Variants in RALYL observed in about 807,000 individuals in gnomAD.
RALYL encodes the protein RNA-binding Raly-like protein.
A neutral mutation model predicts 35.1 loss-of-function variants in RALYL; 29 were observed. The ratio of observed to expected loss-of-function variants is 0.83; its 90% CI spans 0.61 to 1.13. The LOEUF is 1.13. Among genes scored for constraint, RALYL ranks in the 50% most tolerant of loss-of-function variants. The pLI is 0.00. For synonymous variants in RALYL, 120 were observed against 127.6 expected (o/e 0.94, Z 0.40); for missense variants, 359 against 360.4 (o/e 1.00, Z 0.03).
chr8:84,835,849 A>ATT (rs1417703642), intron 4 of RALYL, among the ~76,000 whole-genome samples: 1 of 147,370 alleles, frequency 6.8e-6, no homozygotes, highest in African/African-American at 2.5e-5. Flanking sequence ...GAGCAAGGAG[A>ATT]TTTTTTTTTT....
chr8:84,599,095 C>T (rs1470549614), intron 2 of RALYL, among the ~76,000 whole-genome samples: 1 of 151,792 alleles, frequency 6.6e-6, no homozygotes, highest in African/African-American at 2.4e-5. Context: ...CACTGTAAAA[C>T]ATATAACCTT....
At chr8:84,578,535 A>G (rs184004425) in intron 2 of RALYL, among the ~76,000 whole-genome samples, 172 of 152,330 alleles carry the variant, frequency 1.1e-3, no homozygotes, top group Middle Eastern at 3.4e-3. Flanking sequence ...AGAAAGGTGG[A>G]GAGGAGCTTT....
intron 2 of RALYL, among the ~76,000 whole-genome samples, chr8:84,694,311 A>T (rs1286882622): frequency 6.6e-6 from 1 of 151,956 alleles, no homozygotes; most frequent in Non-Finnish European, 1.5e-5. Context: ...GATCAGTAGC[A>T]TTCACTAACA....
intron 2 of RALYL, among the ~76,000 whole-genome samples, chr8:84,544,420 A>G (rs1396463843): frequency 6.6e-6 from 1 of 151,930 alleles, no homozygotes; most frequent in African/African-American, 2.4e-5. Context: ...ACTTTTATCC[A>G]TGTCAGATTT....
intron 2 of RALYL, among the ~76,000 whole-genome samples, chr8:84,606,614 T>C (rs1206635957): frequency 1.3e-5 from 2 of 152,144 alleles, no homozygotes; most frequent in African/African-American, 4.8e-5. Flanking sequence ...TCTAAAGAAG[T>C]GGAGGGTCTT....
intron 2 of RALYL, among the ~76,000 whole-genome samples, chr8:84,597,753 TA>T (rs1814922179): frequency 6.6e-6 from 1 of 152,172 alleles, no homozygotes; most frequent in Non-Finnish European, 1.5e-5. Flanking sequence ...TCAGTGTCCA[TA>T]AATAAAGGTT....
chr8:84,489,674 T>C (rs547828648), intron 1 of RALYL, among the ~76,000 whole-genome samples: 6 of 152,138 alleles, frequency 3.9e-5, no homozygotes, highest in African/African-American at 1.4e-4. Context: ...AAATTGTAGA[T>C]AGCAATAAGA....
At chr8:84,803,330 C>T (rs1823807324) in intron 3 of RALYL, among the ~76,000 whole-genome samples, 2 of 152,212 alleles carry the variant, frequency 1.3e-5, no homozygotes, top group Admixed American at 1.3e-4. Flanking sequence ...CCCCTCATTT[C>T]TTCAAGGCAA....
chr8:84,549,357 T>C, intron 2 of RALYL, among the ~76,000 whole-genome samples: 1 of 152,122 alleles, frequency 6.6e-6, no homozygotes, highest in East Asian at 1.9e-4. Context: ...ATTTTCCCCA[T>C]GGATTGGTGT....
chr8:84,407,093 T>C (rs1432834118), intron 1 of RALYL, among the ~76,000 whole-genome samples: 2 of 151,428 alleles, frequency 1.3e-5, no homozygotes, highest in African/African-American at 4.9e-5. Flanking sequence ...CACAAGAATA[T>C]ATTCTGTGTG....
At chr8:84,448,580 C>T (rs1359336421) in intron 1 of RALYL, among the ~76,000 whole-genome samples, 7 of 151,994 alleles carry the variant, frequency 4.6e-5, no homozygotes, top group South Asian at 2.1e-4. Flanking sequence ...CACTGCTACA[C>T]GCTTTTTCTT....
intron 2 of RALYL, among the ~76,000 whole-genome samples, chr8:84,650,855 A>T (rs1457889467): frequency 2.6e-5 from 4 of 152,148 alleles, no homozygotes; most frequent in South Asian, 2.1e-4. Flanking sequence ...GGATTAAGAA[A>T]ATGTGGCACA....
At chr8:84,449,671 T>A (rs1336062493) in intron 1 of RALYL, among the ~76,000 whole-genome samples, 1 of 152,000 alleles carries the variant, frequency 6.6e-6, no homozygotes, top group African/African-American at 2.4e-5. Context: ...AGAATGGATG[T>A]TTAGTAAATC....
At chr8:84,483,518 G>A (rs1203934393) in intron 1 of RALYL, among the ~76,000 whole-genome samples, 2 of 152,034 alleles carry the variant, frequency 1.3e-5, no homozygotes, top group African/African-American at 4.8e-5. Flanking sequence ...ATAGTCCTCT[G>A]TTCTTTATTT....
At chr8:84,344,452 T>C (rs1849434481) in intron 1 of RALYL, among the ~76,000 whole-genome samples, 1 of 151,996 alleles carries the variant, frequency 6.6e-6, no homozygotes, top group African/African-American at 2.4e-5. Flanking sequence ...AGGTGTAGGA[T>C]GATTGCATTA....
At chr8:84,769,166 G>C (rs1227989251) in intron 2 of RALYL, among the ~76,000 whole-genome samples, 2 of 152,148 alleles carry the variant, frequency 1.3e-5, no homozygotes, top group African/African-American at 4.8e-5. Flanking sequence ...TAAAAAACTT[G>C]TAGAAATCTG....
intron 2 of RALYL, among the ~76,000 whole-genome samples, chr8:84,691,003 G>C (rs1837924636): frequency 6.6e-6 from 1 of 152,028 alleles, no homozygotes; most frequent in African/African-American, 2.4e-5. Flanking sequence ...ATCTTTGTAA[G>C]ACTGATTTTT....
At chr8:84,415,461 A>T (rs570271948) in intron 1 of RALYL, among the ~76,000 whole-genome samples, 1 of 151,982 alleles carries the variant, frequency 6.6e-6, no homozygotes, top group Non-Finnish European at 1.5e-5. Context: ...GCTGGTCTGG[A>T]ACTCCTGACC....
chr8:84,522,014 G>C (rs1471450330), intron 1 of RALYL, among the ~76,000 whole-genome samples: 1 of 151,712 alleles, frequency 6.6e-6, no homozygotes, highest in Non-Finnish European at 1.5e-5. Flanking sequence ...TTTTTATGTT[G>C]CTTACGATAA....
Sources: allele counts gnomAD v4.1 joint callset (sites outside exome capture counted in the v4.1 genomes callset), GRCh38; gene constraint gnomAD v4.1.1; transcripts MANE v1.5; gene names NCBI Gene and HGNC (gene_info 2026-07-23, HGNC 2026-07-21).